Variants in ST18 observed in about 807,000 individuals in gnomAD.
ST18 encodes ST18 C2H2C-type zinc finger transcription factor, also known as suppression of tumorigenicity 18 protein.
Under a neutral mutation model 110.0 loss-of-function variants are expected in ST18, and 50 were observed. The observed-to-expected ratio is 0.45, with a 90% CI of 0.36 to 0.58. The LOEUF is 0.58. Among genes scored for constraint, ST18 ranks in the 20% least tolerant of loss-of-function variants. ST18 has a pLI of 0.00. For missense variants in ST18, 1,306 were observed against 1,280.1 expected (o/e 1.02, Z -0.31); for synonymous variants, 461 against 452.4 (o/e 1.02, Z -0.24).
intron 2 of ST18, among the ~76,000 whole-genome samples, chr8:52,272,665 T>A (rs558662688): frequency 6.6e-6 from 1 of 152,154 alleles, no homozygotes; most frequent in African/African-American, 2.4e-5. Context: ...AGTGTGGTGG[T>A]TCCTCAGGAA....
At chr8:52,123,632 C>G (rs890617971) in intron 23 of ST18, among the ~76,000 whole-genome samples, 7 of 152,186 alleles carry the variant, frequency 4.6e-5, no homozygotes, top group African/African-American at 1.7e-4. Flanking sequence ...ATGACTGCAC[C>G]CTGACACTTG....
chr8:52,222,430 C>G (rs879336814), intron 3 of ST18, among the ~76,000 whole-genome samples: 4 of 152,202 alleles, frequency 2.6e-5, no homozygotes, highest in Non-Finnish European at 5.9e-5. Flanking sequence ...ATGCATCAGC[C>G]CTCTGCCCTA....
At chr8:52,324,449 A>G (rs185873005) in intron 2 of ST18, among the ~76,000 whole-genome samples, 3 of 152,204 alleles carry the variant, frequency 2.0e-5, no homozygotes, top group Admixed American at 2.0e-4. Flanking sequence ...TGGACAGGTA[A>G]GGTTTCACAG....
intron 2 of ST18, among the ~76,000 whole-genome samples, chr8:52,329,219 ATGTGTGTGTGTG>A (rs71252933): frequency 2.3e-5 from 3 of 131,650 alleles, no homozygotes; most frequent in African/African-American, 8.4e-5. Context: ...GCATGTATTT[ATGTGTGTGTGTG>A]TGTGTGTGTG....
intron 22 of ST18, among the ~76,000 whole-genome samples, chr8:52,129,540 C>T (rs958784382): frequency 2.7e-5 from 4 of 150,910 alleles, no homozygotes; most frequent in Admixed American, 2.0e-4. Flanking sequence ...ACATTAACTA[C>T]AGTCTCTTAA....
chr8:52,197,997 C>T (rs1214319516), intron 8 of ST18, among the ~76,000 whole-genome samples: 1 of 151,876 alleles, frequency 6.6e-6, no homozygotes, highest in African/African-American at 2.4e-5. Context: ...TTTTAAAGAC[C>T]ATGTGGCTGT....
At chr8:52,375,020 A>G (rs1341461181) in intron 2 of ST18, among the ~76,000 whole-genome samples, 1 of 151,990 alleles carries the variant, frequency 6.6e-6, no homozygotes, top group Non-Finnish European at 1.5e-5. Context: ...GTTAACACAA[A>G]CCCTCCAGAC....
chr8:52,362,244 A>G (rs1826028644), intron 2 of ST18, among the ~76,000 whole-genome samples: 1 of 152,228 alleles, frequency 6.6e-6, no homozygotes, highest in African/African-American at 2.4e-5. Flanking sequence ...TTGGTATGAA[A>G]GGTACATTGC....
At chr8:52,341,933 T>C (rs1815235659) in intron 2 of ST18, among the ~76,000 whole-genome samples, 2 of 152,118 alleles carry the variant, frequency 1.3e-5, no homozygotes, top group African/African-American at 2.4e-5. Flanking sequence ...TTAAGGAAAA[T>C]AGAAATCTGC....
rs537795001 is a variant in ST18, at chr8:52,274,919, CTTG to C, written c.-464-44845_-464-44843del. The stretch of plus-strand genomic sequence containing the variant: ...ATTTTGTTTAAACTTCATCTTTTTA[CTTG>C]TTAAGTGTGGGAAATATACAGAACA... On this transcript the variant is annotated intron_variant, in intron 2 of 25. Coordinates refer to ENST00000689386, the MANE Select transcript of ST18 (RefSeq NM_001352837.2). 5.1e-3 allele frequency among the ~76,000 whole-genome samples: 783 copies of C among 152,068 alleles called. 11 individuals carry two copies. Among genetic ancestry groups the C allele is most frequent in the South Asian group, 0.011 (55 of 4,818 alleles).
chr8:52,128,634 A>G (rs1002285022), intron 22 of ST18, among the ~76,000 whole-genome samples: 2 of 152,184 alleles, frequency 1.3e-5, no homozygotes, highest in African/African-American at 4.8e-5. Context: ...GTGTTTTGTA[A>G]TGATTCCCAT....
chr8:52,374,276 A>G (rs1831330173), intron 2 of ST18, among the ~76,000 whole-genome samples: 1 of 152,124 alleles, frequency 6.6e-6, no homozygotes, highest in Non-Finnish European at 1.5e-5. Context: ...AGATGCAGAG[A>G]CATAAAGGAG....
At chr8:52,174,513 T>C (rs941292819) in intron 9 of ST18, among the ~76,000 whole-genome samples, 1 of 152,196 alleles carries the variant, frequency 6.6e-6, no homozygotes, top group Non-Finnish European at 1.5e-5. Context: ...TAACAAAAGC[T>C]CTAGAAAGCA....
At chr8:52,307,680 TTATG>T (rs1436530122) in intron 2 of ST18, among the ~76,000 whole-genome samples, 3 of 152,232 alleles carry the variant, frequency 2.0e-5, no homozygotes, top group Non-Finnish European at 4.4e-5. Flanking sequence ...CTTTTATTTC[TTATG>T]TATGAATGTG....
At chr8:52,113,965 T>TTTTG in intron 25 of ST18, among the ~76,000 whole-genome samples, 1 of 108,486 alleles carries the variant, frequency 9.2e-6, no homozygotes. Context: ...TTTTTTTTTT[T>TTTTG]TTTTTTTTTT....
intron 23 of ST18, among the ~76,000 whole-genome samples, chr8:52,122,545 C>T (rs1463986668): frequency 7.9e-5 from 12 of 152,018 alleles, no homozygotes; most frequent in Non-Finnish European, 1.6e-4. Flanking sequence ...TGCAGTGGCA[C>T]GATCTTGGCT....
rs550473850 is a variant in ST18, at chr8:52,270,692, GA to G, written c.-464-40616del. Among the ~76,000 whole-genome samples, 7 of 151,598 alleles carry G rather than the reference GA, an allele frequency of 4.6e-5. No homozygotes were observed. The South Asian group carries it at 8.3e-4, about 18-fold the overall frequency. On this transcript the variant is annotated intron_variant, in intron 2 of 25. Transcript: ENST00000689386. ...CAACTTTGAAAAACGCATCTTCCAA[GA>G]AAAAAAAGTAGGTAAGTGGTTGTTT...
Position 52,262,737 on chromosome 8 carries a change from T to G in ST18, c.-464-32660A>C, listed in dbSNP as rs544696994. ...TAAGTCTGAATTTCTAAGTACCATT[T>G]GAACTTTCTCTGTTTTGCCCAAGGC... On this transcript the variant is annotated intron_variant, in intron 2 of 25. Coordinates refer to ENST00000689386, the MANE Select transcript of ST18 (RefSeq NM_001352837.2). 1.6e-4 allele frequency among the ~76,000 whole-genome samples: 24 copies of G among 152,366 alleles called. 1 individual carries two copies. In the South Asian group the frequency reaches 3.7e-3, roughly 24 times the overall value.
At chr8:52,186,747 T>G (rs1161209485) in intron 8 of ST18, among the ~76,000 whole-genome samples, 1 of 152,180 alleles carries the variant, frequency 6.6e-6, no homozygotes, top group Non-Finnish European at 1.5e-5. Flanking sequence ...TTGCTACAAA[T>G]AACACGGATG....
Sources: gnomAD v4.1 joint callset for allele counts (sites outside exome capture counted in the v4.1 genomes callset) on GRCh38, gnomAD v4.1.1 for gene constraint, MANE v1.5 for transcripts, NCBI Gene and HGNC (gene_info 2026-07-23, HGNC 2026-07-21) for gene names.